The following MRPL38 variants were observed in gnomAD, a reference collection of about 807,000 sequenced individuals.
The protein encoded by MRPL38 is mitochondrial ribosomal protein L38, also known as large ribosomal subunit protein mL38.
MRPL38 carries 51 observed loss-of-function variants against 52.1 expected under a neutral mutation model. The observed-to-expected ratio is 0.98, with a 90% confidence interval of 0.78 to 1.24. MRPL38 has a LOEUF of 1.24. Ranked by LOEUF, MRPL38 falls within the 50% of genes most tolerant of loss-of-function variation. The pLI is 0.00. For missense variants in MRPL38, 527 were observed against 518.6 expected (o/e 1.02, Z -0.16); for synonymous variants, 245 against 212.7 (o/e 1.15, Z -1.32).
In MRPL38 at chr17:75,899,222, G is replaced by A. The variant is rs200049183; in HGVS notation, c.942C>T (p.Ala314=). 1.2e-5 allele frequency: 20 copies of A among 1,610,300 alleles called. 1 individual carries two copies. The highest frequency in any genetic ancestry group is 3.3e-4 in the Middle Eastern group (2 of 6,056). The change falls in exon 8 of 9, where the codon GCC becomes GCT. Residue 314 remains alanine (A), a synonymous_variant. Transcript: ENST00000309352. ...AGCGGCACTGGAAGAAGGACAAGCC[G>A]GCTGGAGTCATGGTTTCTTGGTGTT... ...YKKHQETMTP[A]GLSFFQCRWD...
Position 75,902,000 on chromosome 17 carries a change from CCT to C in MRPL38, c.382+18_382+19del, listed in dbSNP as rs764371506. 54 of 1,612,972 alleles carry C rather than the reference CCT, an allele frequency of 3.3e-5. 1 individual carries two copies. In the African/African-American group the frequency reaches 6.9e-4, roughly 21 times the overall value. Reference sequence around the variant, plus strand: ...CCTGTACCCCAACTCTGGGATGGCCCCTCCCCTGAGAAGGCTTACCTGTGCGG... The same window carrying C: ...CCTGTACCCCAACTCTGGGATGGCCCCCCCTGAGAAGGCTTACCTGTGCGG... On this transcript the variant is annotated intron_variant, in intron 3 of 8. Transcript: ENST00000309352. This position sits in a 1 kb window ranked among gnomAD's most constrained non-coding sequence, Gnocchi z 5.7.
chr17:75,904,458 T>G lies in MRPL38; in HGVS notation c.247+82A>C, dbSNP rs1051825477. ...GCATCCACAAGGGCGCCGGCAAGGCTCGCCCAGCGCCCGGGGAAAACGCCG... is the reference window on the plus strand; with the variant it reads ...GCATCCACAAGGGCGCCGGCAAGGCGCGCCCAGCGCCCGGGGAAAACGCCG... On this transcript the variant is annotated intron_variant, in intron 2 of 8. Transcript: ENST00000309352. The G allele has an allele frequency of 2.1e-6, 3 of 1,407,706 alleles. No individual in the cohort carries two copies. The African/African-American group carries it at 4.4e-5, about 21-fold the overall frequency. The allele number at this position is 1,407,706 out of a possible 1,614,324, so 87.2% of individuals were successfully genotyped here.
chr17:75,903,384 C>A (rs1270706181), intron 2 of MRPL38, among the ~76,000 whole-genome samples: 3 of 152,178 alleles, frequency 2.0e-5, no homozygotes, highest in Non-Finnish European at 1.5e-5. Flanking sequence ...CCAGCCTGGG[C>A]AACAGAGCGA....
chr17:75,904,770 G>GGGGGGGGGCCCC, intron 1 of MRPL38, 39 bp downstream of exon 1: 3 of 500,008 alleles, frequency 6.0e-6, no homozygotes, highest in Non-Finnish European at 8.4e-6. Flanking sequence ...TCGGGCGACA[G>GGGGGGGGGCCCC]CCCCCCCCCC....
chr17:75,903,658 T>TAAAGA (rs60931911), intron 2 of MRPL38, among the ~76,000 whole-genome samples: 1,814 of 151,656 alleles, frequency 0.012, 29 homozygotes, highest in African/African-American at 0.036. Flanking sequence ...CTATAAATGC[T>TAAAGA]AAAGAAAAGA....
chr17:75,902,866 C>T (rs1049581782), intron 2 of MRPL38, among the ~76,000 whole-genome samples: 2 of 152,178 alleles, frequency 1.3e-5, no homozygotes, highest in Non-Finnish European at 1.5e-5. Context: ...GGATTACAGG[C>T]GCCTGCCACC....
Position 75,904,869 on chromosome 17 carries a change from C to T in MRPL38, c.7G>A (p.Ala3Thr). The change falls in exon 1 of 9, where the codon GCG becomes ACG. Residue 3 changes from alanine to threonine, a missense_variant. Coordinates refer to ENST00000309352, the MANE Select transcript of MRPL38 (RefSeq NM_032478.4). Reference sequence around the variant, plus strand: ...CACAGCGCGGCTCGCCACCAGGGCGCCGCCATCTTCCCTCCGGCCTGCGAC... The same window carrying T: ...CACAGCGCGGCTCGCCACCAGGGCGTCGCCATCTTCCCTCCGGCCTGCGAC... MA[A>T]PWWRAALCEC... The T allele has an allele frequency of 6.5e-7, 1 of 1,526,934 alleles. No individual in the cohort carries two copies. The highest frequency in any genetic ancestry group is 8.7e-7 in the Non-Finnish European group (1 of 1,143,804). 94.6% of individuals were successfully genotyped at this position (1,526,934 alleles called of 1,614,324 possible).
At chr17:75,900,246 C>T (rs2065397801) in intron 6 of MRPL38, 1 of 152,372 alleles carries the variant, frequency 6.6e-6, no homozygotes. Flanking sequence ...CCAAAAGCTA[C>T]CAAGATGGAA....
chr17:75,904,423 A>G (rs1474643768), intron 2 of MRPL38, 117 bp downstream of exon 2: 1 of 1,135,998 alleles, frequency 8.8e-7, no homozygotes, highest in Non-Finnish European at 1.3e-6. Flanking sequence ...AGGCCCTCCC[A>G]GCGTCCCCAG....
Position 75,899,302 on chromosome 17 carries a change from AAG to A in MRPL38, c.870-10_870-9del. On this transcript the variant is annotated splice_polypyrimidine_tract_variant and intron_variant, in intron 7 of 8. Transcript: ENST00000309352. ...CGCTGGGCCAGCTGATAGCTATGAGAAGATAGAGAGCGTATGAGAGTGTGGAG... is the reference window on the plus strand; with the variant it reads ...CGCTGGGCCAGCTGATAGCTATGAGAATAGAGAGCGTATGAGAGTGTGGAG... The A allele has an allele frequency of 6.2e-7, 1 of 1,612,058 alleles. No homozygotes were observed. Among genetic ancestry groups the A allele is most frequent in the South Asian group, 1.1e-5 (1 of 90,792 alleles).
Position 75,904,718 on chromosome 17 carries a change from G to A in MRPL38, c.69C>T (p.Ala23=), listed in dbSNP as rs371338042. Residue 23 remains alanine, a splice_region_variant and synonymous_variant, in exon 2 of 9, where the codon GCC becomes GCT. Coordinates refer to ENST00000309352, the MANE Select transcript of MRPL38 (RefSeq NM_032478.4). ...CRRWRGFSTS[A]VLGRRTPPLG... ...GCGGGGGTGTCCGGCGGCCCAGGAC[G>A]GCTGCGGGCAGAGAGAAGACGTAAG... 279 of 1,577,082 alleles carry A rather than the reference G, an allele frequency of 1.8e-4. No individual in the cohort carries two copies. The highest frequency in any genetic ancestry group is 6.4e-4 in the Admixed American group (36 of 56,458).
intron 2 of MRPL38, 149 bp downstream of exon 2, chr17:75,904,391 T>C: frequency 4.7e-6 from 4 of 858,158 alleles, no homozygotes; most frequent in South Asian, 2.9e-5. Flanking sequence ...AAGCTGCCGA[T>C]AGCGCACACA....
rs1378871297 is a variant in MRPL38, at chr17:75,899,121, T to C, written c.1006+37A>G. 8 of 1,577,200 alleles carry C rather than the reference T, an allele frequency of 5.1e-6. No homozygotes were observed. In the South Asian group the frequency reaches 8.1e-5, roughly 16 times the overall value. On this transcript the variant is annotated intron_variant, in intron 8 of 8. Transcript: ENST00000309352. Reference sequence around the variant, plus strand: ...GGCAGGGCAGGCGAGGCCTGGGAGCTCAGGCCCACCCAGTGCCCCAGCCCC... The same window carrying C: ...GGCAGGGCAGGCGAGGCCTGGGAGCCCAGGCCCACCCAGTGCCCCAGCCCC...
chr17:75,904,825 C>T lies in MRPL38; in HGVS notation c.51G>A (p.Arg17=). Residue 17 remains arginine (R), a synonymous_variant, in exon 1 of 9, where the codon CGG becomes CGA. Transcript: ENST00000309352. ...ACCCCTCACCCGAGGTGCTGAAGCCCCGCCATCTCCGACACTCGCACAGCG... is the reference window on the plus strand; with the variant it reads ...ACCCCTCACCCGAGGTGCTGAAGCCTCGCCATCTCCGACACTCGCACAGCG... The part of the protein sequence containing the change: ...RAALCECRRW[R]GFSTSAVLGR... 2 of 1,524,142 alleles carry T rather than the reference C, an allele frequency of 1.3e-6. No individual in the cohort carries two copies. Among genetic ancestry groups the T allele is most frequent in the Non-Finnish European group, 1.8e-6 (2 of 1,142,336 alleles). The allele number at this position is 1,524,142 out of a possible 1,614,324, so 94.4% of individuals were successfully genotyped here.
At chr17:75,904,773 C>CGG in intron 1 of MRPL38, 36 bp downstream of exon 1, 1 of 150,112 alleles carries the variant, frequency 6.7e-6, no homozygotes, top group African/African-American at 1.7e-4. Context: ...GGCGACAGCC[C>CGG]CCCCCCCCCC....
chr17:75,903,493 T>C, intron 2 of MRPL38, among the ~76,000 whole-genome samples: 1 of 152,212 alleles, frequency 6.6e-6, no homozygotes. Flanking sequence ...ATGAATTGCC[T>C]CTTTTAATCC....
chr17:75,899,797 T>C, intron 6 of MRPL38, 123 bp from the exon 7 acceptor site: 1 of 839,178 alleles, frequency 1.2e-6, no homozygotes, highest in South Asian at 3.7e-5. Flanking sequence ...AGCATCTCTC[T>C]CCTGGGACAG....
chr17:75,899,183 G>A lies in MRPL38; in HGVS notation c.981C>T (p.Val327=). 6.2e-7 allele frequency: 1 copy of A among 1,604,930 alleles called. No homozygotes were observed. Among genetic ancestry groups the A allele is most frequent in the Non-Finnish European group, 8.5e-7 (1 of 1,176,242 alleles). ...CCAGAAGCTGGTGGAAGATGTAGGT[G>A]ACGGAGTCATCCCAGCGGCACTGGA... ...SFFQCRWDDS[V]TYIFHQLLDM... Residue 327 remains valine (V), a synonymous_variant, in exon 8 of 9, where the codon GTC becomes GTT. Transcript: ENST00000309352.
chr17:75,900,733 A>AG, intron 6 of MRPL38: 1 of 1,323,630 alleles, frequency 7.6e-7, no homozygotes, highest in East Asian at 2.9e-5. Flanking sequence ...AAAAAAAAAA[A>AG]AAAAAGAAAA....
Sources: gnomAD v4.1 joint callset for allele counts (sites outside exome capture counted in the v4.1 genomes callset) on GRCh38, gnomAD v4.1.1 for gene constraint, Gnocchi (gnomAD v3.1) non-coding constraint, MANE v1.5 for transcripts, NCBI Gene and HGNC (gene_info 2026-07-23, HGNC 2026-07-21) for gene names.